The following DAAM2 variants were observed in gnomAD, a reference collection of about 807,000 sequenced individuals.
DAAM2 encodes disheveled-associated activator of morphogenesis 2.
DAAM2 carries 39 observed loss-of-function variants against 120.7 expected under a neutral mutation model. The observed-to-expected ratio is 0.32, with a 90% CI of 0.25 to 0.42. The LOEUF (loss-of-function observed/expected upper bound fraction) is 0.42. Among genes scored for constraint, DAAM2 ranks in the 10% least tolerant of loss-of-function variants. The pLI, the probability that DAAM2 is intolerant of heterozygous loss-of-function variation, is 1.00. For missense variants in DAAM2, 1,283 were observed against 1,401.7 expected (o/e 0.92, Z 1.35); for synonymous variants, 488 against 524.9 (o/e 0.93, Z 0.96).
chr6:39,832,841 C>T (rs992755633), intron 1 of DAAM2, among the ~76,000 whole-genome samples: 13 of 152,142 alleles, frequency 8.5e-5, no homozygotes, highest in South Asian at 4.1e-4. Context: ...AGGTCTGGTC[C>T]GGTCCCCAGG....
chr6:39,870,072 G>T (rs2149312647), intron 7 of DAAM2, among the ~76,000 whole-genome samples: 1 of 152,270 alleles, frequency 6.6e-6, no homozygotes, highest in East Asian at 1.9e-4. Context: ...CTACAACACT[G>T]CTCTTTGGTG....
chr6:39,900,702 C>G (rs539547151), intron 23 of DAAM2, among the ~76,000 whole-genome samples: 23 of 151,642 alleles, frequency 1.5e-4, no homozygotes, highest in Non-Finnish European at 3.2e-4. Context: ...TGAGATTCTG[C>G]ATTTCTAACA....
At chr6:39,812,867 T>C (rs1322390050) in intron 1 of DAAM2, among the ~76,000 whole-genome samples, 3 of 152,114 alleles carry the variant, frequency 2.0e-5, no homozygotes, top group Non-Finnish European at 2.9e-5. Context: ...CCCAAATATA[T>C]AAGAATTCCT....
chr6:39,811,083 C>T (rs1211387304), intron 1 of DAAM2, among the ~76,000 whole-genome samples: 1 of 152,004 alleles, frequency 6.6e-6, no homozygotes, highest in African/African-American at 2.4e-5. Context: ...CCTGACAAGG[C>T]ATTTAGCACA....
chr6:39,872,128 GC>G (rs1166120464), intron 9 of DAAM2, among the ~76,000 whole-genome samples: 1 of 152,148 alleles, frequency 6.6e-6, no homozygotes, highest in Non-Finnish European at 1.5e-5. Context: ...GTTCTAGGTG[GC>G]CCCACAGCCA....
rs147071197 is a variant in DAAM2, at chr6:39,877,170, C to G, written c.1302-1033C>G. ...TTTTCGCTCAGGTGGAAACAGCTCC[C>G]CTTGCACAGGACTGTGAAAACTGCA... is the stretch of plus-strand genomic sequence containing the variant. On this transcript the variant is annotated intron_variant, in intron 11 of 24. Transcript: ENST00000274867. Among the ~76,000 whole-genome samples, 725 of 152,320 alleles carry G rather than the reference C, an allele frequency of 4.8e-3. 2 individuals carry two copies. The highest frequency in any genetic ancestry group is 8.1e-3 in the Non-Finnish European group (551 of 68,024).
chr6:39,877,520 C>T (rs1764920688), intron 11 of DAAM2, among the ~76,000 whole-genome samples: 1 of 152,206 alleles, frequency 6.6e-6, no homozygotes, highest in African/African-American at 2.4e-5. Flanking sequence ...ATACTCTGTT[C>T]TCTATGTCCT....
intron 19 of DAAM2, among the ~76,000 whole-genome samples, chr6:39,892,534 G>C (rs1765794689): frequency 6.6e-6 from 1 of 152,156 alleles, no homozygotes; most frequent in African/African-American, 2.4e-5. Context: ...GGAGTTGTTG[G>C]GAGAGGCAGG....
At chr6:39,853,598 G>A (rs1582677561) in intron 1 of DAAM2, among the ~76,000 whole-genome samples, 1 of 152,358 alleles carries the variant, frequency 6.6e-6, no homozygotes, top group Non-Finnish European at 1.5e-5. Flanking sequence ...ACTGTGCCAA[G>A]GTGCACCAGC....
intron 8 of DAAM2, among the ~76,000 whole-genome samples, chr6:39,870,680 G>C (rs1407445226): frequency 6.6e-6 from 1 of 152,222 alleles, no homozygotes; most frequent in Non-Finnish European, 1.5e-5. Flanking sequence ...AACCATTGCA[G>C]TACTTCCCCC....
chr6:39,879,197 C>T lies in DAAM2; in HGVS notation c.1565C>T (p.Pro522Leu), dbSNP rs569511045. 11 of 1,549,132 alleles carry T rather than the reference C, an allele frequency of 7.1e-6. No individual in the cohort carries two copies. The highest frequency in any genetic ancestry group is 6.8e-5 in the African/African-American group (5 of 73,096). The change falls in exon 14 of 25, where the codon CCA (proline) becomes CTA (leucine). Residue 522 changes from proline to leucine, a missense_variant. Coordinates refer to ENST00000274867, the MANE Select transcript of DAAM2 (RefSeq NM_001201427.2). ...SELSTGPVSS[P>L]PPPGGPLTLS... ...TCACAGACAGGCCCTGTATCTTCCCCACCACCCCCTGGGGGCCCACTCACC... is the reference window on the plus strand; with the variant it reads ...TCACAGACAGGCCCTGTATCTTCCCTACCACCCCCTGGGGGCCCACTCACC...
At chr6:39,837,795 G>A (rs1261208785) in intron 1 of DAAM2, among the ~76,000 whole-genome samples, 1 of 151,918 alleles carries the variant, frequency 6.6e-6, no homozygotes, top group African/African-American at 2.4e-5. Context: ...TTTATGTATG[G>A]CCCCTACAAA....
chr6:39,893,655 T>TA (rs1765886483), intron 19 of DAAM2, among the ~76,000 whole-genome samples: 1 of 152,218 alleles, frequency 6.6e-6, no homozygotes, highest in African/African-American at 2.4e-5. Flanking sequence ...CTCTGCTCTA[T>TA]AATAATTGCT....
chr6:39,843,782 A>G, intron 1 of DAAM2, among the ~76,000 whole-genome samples: 1 of 152,080 alleles, frequency 6.6e-6, no homozygotes, highest in East Asian at 1.9e-4. Context: ...GTGAGTAGGT[A>G]CAGGGTTTGG....
At chr6:39,822,344 C>T (rs1275436931) in intron 1 of DAAM2, 8 of 152,174 alleles carry the variant, frequency 5.3e-5, no homozygotes, top group Non-Finnish European at 8.8e-5. Context: ...GGCACTCACC[C>T]GAGGGTTTCC....
chr6:39,894,647 G>T (rs1765960890), intron 19 of DAAM2, among the ~76,000 whole-genome samples: 1 of 151,608 alleles, frequency 6.6e-6, no homozygotes, highest in Non-Finnish European at 1.5e-5. Context: ...TTGAGACAGG[G>T]TCCTGCCCTG....
At chr6:39,880,060 T>C (rs1229015599) in intron 14 of DAAM2, 1 of 161,386 alleles carries the variant, frequency 6.2e-6, no homozygotes, top group African/African-American at 2.4e-5. Flanking sequence ...GAGCATAGAG[T>C]AGAGACGCCC....
intron 23 of DAAM2, among the ~76,000 whole-genome samples, chr6:39,900,737 T>C (rs894556446): frequency 1.0e-5 from 1 of 98,628 alleles, no homozygotes; most frequent in Non-Finnish European, 2.1e-5. Context: ...TGCTAGTCCA[T>C]GAAGCACACT....
chr6:39,884,632 CCT>C, intron 15 of DAAM2: 1 of 31,004 alleles, frequency 3.2e-5, no homozygotes, highest in Non-Finnish European at 7.4e-5. Context: ...TGGGGCTGGG[CCT>C]GGGCCTGGGC....
Sources: gnomAD v4.1 joint callset for allele counts (sites outside exome capture counted in the v4.1 genomes callset) on GRCh38, gnomAD v4.1.1 for gene constraint, MANE v1.5 for transcripts, NCBI Gene and HGNC (gene_info 2026-07-23, HGNC 2026-07-21) for gene names.